SMC2: variants seen among roughly 807,000 people sequenced by gnomAD.
SMC2 encodes the protein structural maintenance of chromosomes 2, also known as structural maintenance of chromosomes protein 2.
In SMC2, 41 loss-of-function variants were observed where a neutral mutation model predicts 142.6. The ratio of observed to expected loss-of-function variants is 0.29; its 90% CI spans 0.22 to 0.37. The LOEUF is 0.37. Ranked by LOEUF, SMC2 falls within the 10% of genes least tolerant of loss-of-function variation. SMC2 has a pLI of 1.00. For synonymous variants in SMC2, 463 were observed against 457.5 expected (o/e 1.01, Z -0.15); for missense variants, 1,265 against 1,373.7 (o/e 0.92, Z 1.25).
At chr9:104,139,090 CA>C in intron 24 of SMC2, 48 bp from the exon 25 acceptor site, 1 of 1,310,984 alleles carries the variant, frequency 7.6e-7, no homozygotes, top group South Asian at 1.5e-5. Context: ...GAGTAAACTT[CA>C]AGTATATCAC....
rs1835990730 is a variant in SMC2, at chr9:104,140,728, T to TTTTG, written c.*1417_*1420dup. ...GAAAGTCCAATGTCAAATATAGTTT[T>TTTTG]TTTGTTTCCTTTCAAATGTATTACA... On this transcript the variant is annotated 3_prime_UTR_variant, in exon 25 of 25. Coordinates refer to ENST00000374793, the MANE Select transcript of SMC2 (RefSeq NM_006444.3). 6.6e-6 allele frequency: 1 copy of TTTTG among 151,480 alleles called. No homozygotes were observed. The highest frequency in any genetic ancestry group is 2.5e-5 in the African/African-American group (1 of 40,422). The allele number at this position is 151,480 out of a possible 1,614,324, so 9.4% of individuals were successfully genotyped here. A position where few individuals can be genotyped will look rare whatever the true frequency, so the allele number is the denominator to read the frequency against.
intron 9 of SMC2, among the ~76,000 whole-genome samples, chr9:104,108,441 C>T (rs79777926): frequency 0.057 from 8,604 of 152,176 alleles, 645 homozygotes; most frequent in African/African-American, 0.18. Context: ...GATAGTGAGC[C>T]TCCTTTTCTA....
rs759245228 is a variant in SMC2 at position 104,111,821 on chromosome 9, A to G, written c.1254+7A>G. On this transcript the variant is annotated splice_region_variant and intron_variant, in intron 10 of 24. Transcript: ENST00000374793. ...TCAGACAGAAGCCAAACAGGTAAAT[A>G]GAGACATTAGCACTATGTGATTGCT... 3 of 1,595,080 alleles carry G rather than the reference A, an allele frequency of 1.9e-6. No homozygotes were observed. The highest frequency in any genetic ancestry group is 2.6e-6 in the Non-Finnish European group (3 of 1,165,732).
Position 104,138,000 on chromosome 9 carries a change from C to T in SMC2, c.3270-18C>T, listed in dbSNP as rs562860697. ...ATAAAATCAAATTTTTATGGCTTTTCTTCTGACCTTTTCTTAGGTCTTTAG... is the reference window on the plus strand; with the variant it reads ...ATAAAATCAAATTTTTATGGCTTTTTTTCTGACCTTTTCTTAGGTCTTTAG... On this transcript the variant is annotated intron_variant, in intron 23 of 24. Transcript: ENST00000374793. The T allele has an allele frequency of 6.5e-5, 100 of 1,533,014 alleles. No individual in the cohort carries two copies. The East Asian group carries it at 2.2e-3, about 33-fold the overall frequency. 95.0% of individuals were successfully genotyped at this position (1,533,014 alleles called of 1,614,324 possible).
rs762988408 is a variant in SMC2, at chr9:104,134,422, A to C, written c.3116A>C (p.Lys1039Thr). Residue 1039 changes from lysine (K) to threonine (T), a missense_variant, in exon 23 of 25, where the codon AAG becomes ACG. Physicochemically the swap from Lys to Thr is moderately conservative, Grantham distance 78. Coordinates refer to ENST00000374793, the MANE Select transcript of SMC2 (RefSeq NM_006444.3). ...TTTATTTTTTAAATCCAGGTGAACA[A>C]GGACTTTGGGTCTATTTTTTCTACT... is the stretch of plus-strand genomic sequence containing the variant. Reference protein sequence around the residue: ...ALNIAWQKVNKDFGSIFSTLL... With the variant: ...ALNIAWQKVNTDFGSIFSTLL... 6.4e-7 allele frequency: 1 copy of C among 1,573,206 alleles called. No homozygotes were observed.
intron 20 of SMC2, 80 bp downstream of exon 20, chr9:104,127,560 T>C (rs1390469580): frequency 9.5e-7 from 1 of 1,049,530 alleles, no homozygotes; most frequent in Admixed American, 2.8e-5. Context: ...AACTGCTTGA[T>C]AGAGAACTCT....
intron 9 of SMC2, 72 bp downstream of exon 9, chr9:104,102,645 A>G (rs1831295989): frequency 1.4e-6 from 2 of 1,400,630 alleles, no homozygotes; most frequent in Non-Finnish European, 1.9e-6. Flanking sequence ...ACATTTATCT[A>G]TTCCATGAAT....
At chr9:104,127,924 C>CA (rs1410132395) in intron 20 of SMC2, among the ~76,000 whole-genome samples, 1 of 152,146 alleles carries the variant, frequency 6.6e-6, no homozygotes, top group African/African-American at 2.4e-5. Context: ...TTACTGCTGT[C>CA]AGTATTTGCA....
rs575639001 is a variant in SMC2, at chr9:104,129,531, G to C, written c.2791-114G>C. On this transcript the variant is annotated intron_variant, in intron 20 of 24. Coordinates refer to ENST00000374793, the MANE Select transcript of SMC2 (RefSeq NM_006444.3). Reference sequence around the variant, plus strand: ...AAAAAAAAAAAAATTAGTCATTGAAGGTTTTTTCCTCTTCAGTATTTGATT... The same window carrying C: ...AAAAAAAAAAAAATTAGTCATTGAACGTTTTTTCCTCTTCAGTATTTGATT... 3.0e-4 allele frequency: 260 copies of C among 858,110 alleles called. 1 individual carries two copies. The East Asian group carries it at 6.2e-3, about 20-fold the overall frequency. The allele number at this position is 858,110 out of a possible 1,614,324, so 53.2% of individuals were successfully genotyped here.
In SMC2 at chr9:104,134,350, T is replaced by TATCAACAATTGATTCTTCTTGG. The variant is rs1835306882; in HGVS notation, c.3109-63_3109-42dup. ...AGACCTGCTGTGTTGCATATACATATATCAACAATTGATTCTTCTTGGAAA... is the reference window on the plus strand; with the variant it reads ...AGACCTGCTGTGTTGCATATACATATATCAACAATTGATTCTTCTTGGATCAACAATTGATTCTTCTTGGAAA... On this transcript the variant is annotated intron_variant, in intron 22 of 24. Transcript: ENST00000374793. The TATCAACAATTGATTCTTCTTGG allele has an allele frequency of 2.4e-6, 3 of 1,253,324 alleles. No individual in the cohort carries two copies. The African/African-American group carries it at 4.6e-5, about 19-fold the overall frequency. 77.6% of individuals were successfully genotyped at this position (1,253,324 alleles called of 1,614,324 possible). A position where few individuals can be genotyped will look rare whatever the true frequency, so the allele number is the denominator to read the frequency against.
In SMC2 at chr9:104,115,925, A is replaced by T. The variant is rs543634900; in HGVS notation, c.1672-275A>T. On this transcript the variant is annotated intron_variant, in intron 13 of 24. Transcript: ENST00000374793. ...TTTTATTTGTTCAGCTTTTTTTTTT[A>T]AAAGATTCCATGTACAAGTGAGGTC... 5.3e-5 allele frequency among the ~76,000 whole-genome samples: 8 copies of T among 151,854 alleles called. No individual in the cohort carries two copies. In the East Asian group the frequency reaches 5.8e-4, roughly 11 times the overall value.
In SMC2 at chr9:104,120,125, G is replaced by A. The variant is rs1349174230; in HGVS notation, c.2095G>A (p.Glu699Lys). Reference protein sequence around the residue: ...RIKENELRALEEELAGLKNTA... With the variant: ...RIKENELRALKEELAGLKNTA... ...CAAAGAGAATGAGCTGCGGGCTCTA[G>A]AAGAGGAATTAGCAGGTCTTAAAAA... is the stretch of plus-strand genomic sequence containing the variant. Residue 699 changes from glutamate (E) to lysine (K), a missense_variant, in exon 16 of 25, where the codon GAA (glutamate) becomes AAA (lysine). Coordinates refer to ENST00000374793, the MANE Select transcript of SMC2 (RefSeq NM_006444.3). 2.5e-6 allele frequency: 4 copies of A among 1,613,576 alleles called. No homozygotes were observed. The highest frequency in any genetic ancestry group is 1.3e-5 in the African/African-American group (1 of 74,996).
intron 23 of SMC2, chr9:104,136,183 A>G (rs1313692935): frequency 1.0e-5 from 3 of 297,602 alleles, no homozygotes; most frequent in African/African-American, 4.4e-5. Context: ...TTTCTCCTGC[A>G]TGGTATATAA....
At position 104,115,600 on chromosome 9, in the gene SMC2, AAAAC is replaced by A. The variant is rs1335657871; in HGVS notation, c.1672-595_1672-592del. On this transcript the variant is annotated intron_variant, in intron 13 of 24. Transcript: ENST00000374793. Reference sequence around the variant, plus strand: ...ACTGTATCTCAAAAAAAAAAAGAAAAAAACAAACGTACAAGATGTTTTGATACAT... The same window carrying A: ...ACTGTATCTCAAAAAAAAAAAGAAAAAAACGTACAAGATGTTTTGATACAT... 2.6e-5 allele frequency among the ~76,000 whole-genome samples: 4 copies of A among 152,190 alleles called. No homozygotes were observed. In the South Asian group the frequency reaches 6.2e-4, roughly 24 times the overall value.
At chr9:104,105,012 G>A (rs1023814335) in intron 9 of SMC2, among the ~76,000 whole-genome samples, 1 of 152,192 alleles carries the variant, frequency 6.6e-6, no homozygotes. Context: ...GTGTCTCTGC[G>A]ATACCTGAGG....
intron 9 of SMC2, among the ~76,000 whole-genome samples, chr9:104,109,231 C>G (rs1048866157): frequency 1.3e-5 from 2 of 152,170 alleles, no homozygotes; most frequent in African/African-American, 2.4e-5. Flanking sequence ...ACTACCCAAA[C>G]CCACCTGAGT....
At chr9:104,089,248 G>A in the SMC2 span, among the ~76,000 whole-genome samples, 1 of 152,108 alleles carries the variant, frequency 6.6e-6, no homozygotes, top group African/African-American at 2.4e-5. Flanking sequence ...TGACTGTAGA[G>A]GACTGCAGAG....
chr9:104,136,562 A>G (rs569148125), intron 23 of SMC2, among the ~76,000 whole-genome samples: 5 of 152,056 alleles, frequency 3.3e-5, no homozygotes, highest in African/African-American at 1.2e-4. Context: ...CCACTATCCA[A>G]CATGGTAGTT....
intron 23 of SMC2, among the ~76,000 whole-genome samples, chr9:104,135,694 A>G (rs1164234323): frequency 6.6e-6 from 1 of 152,212 alleles, no homozygotes; most frequent in African/African-American, 2.4e-5. Context: ...GCTAGAGGAA[A>G]AGAGACATTA....
Sources: gnomAD v4.1 joint callset for allele counts (sites outside exome capture counted in the v4.1 genomes callset) on GRCh38, gnomAD v4.1.1 for gene constraint, MANE v1.5 for transcripts, NCBI Gene and HGNC (gene_info 2026-07-23, HGNC 2026-07-21) for gene names.